SLC24A2: variants seen among roughly 807,000 people sequenced by gnomAD.
SLC24A2 encodes solute carrier family 24 member 2, also known as sodium/potassium/calcium exchanger 2.
Under a neutral mutation model 62.0 loss-of-function variants are expected in SLC24A2, and 36 were observed. The observed-to-expected ratio is 0.58, with a 90% CI of 0.44 to 0.77. The LOEUF (loss-of-function observed/expected upper bound fraction) is 0.77, where lower values mean the gene tolerates loss of function less well. SLC24A2 is among the 30% of genes least tolerant of loss of function. The pLI is 0.00. For missense variants in SLC24A2, 846 were observed against 817.9 expected, an observed-to-expected ratio of 1.03 and a Z score of -0.42; for synonymous variants, 358 against 294.0, an observed-to-expected ratio of 1.22 and a Z score of -2.23.
the SLC24A2 span, among the ~76,000 whole-genome samples, chr9:20,103,093 T>G: frequency 6.6e-6 from 1 of 152,216 alleles, no homozygotes; most frequent in African/African-American, 2.4e-5. Context: ...TCTCACTGAC[T>G]GCTAGCAAAG....
chr9:19,535,027 C>G (rs866058949), intron 8 of SLC24A2, among the ~76,000 whole-genome samples: 2 of 152,160 alleles, frequency 1.3e-5, no homozygotes, highest in African/African-American at 4.8e-5. Flanking sequence ...CCTGTTGTTT[C>G]CTGACTTTTT....
intron 8 of SLC24A2, among the ~76,000 whole-genome samples, chr9:19,535,120 C>CT (rs542739014): frequency 1.3e-5 from 2 of 151,912 alleles, no homozygotes; most frequent in African/African-American, 4.8e-5. Flanking sequence ...TGATGATGAG[C>CT]TTTTTTTTCA....
intron 8 of SLC24A2, among the ~76,000 whole-genome samples, chr9:19,549,080 G>A (rs894247293): frequency 6.6e-6 from 1 of 152,182 alleles, no homozygotes; most frequent in African/African-American, 2.4e-5. Flanking sequence ...TCTATACTCA[G>A]GTTGTAATTT....
chr9:19,578,990 A>G (rs1332833929), intron 5 of SLC24A2, among the ~76,000 whole-genome samples: 1 of 152,228 alleles, frequency 6.6e-6, no homozygotes, highest in Non-Finnish European at 1.5e-5. Context: ...TTCATGGAGA[A>G]AAGGAGGTTG....
At chr9:20,045,026 T>G in the SLC24A2 span, among the ~76,000 whole-genome samples, 1 of 152,208 alleles carries the variant, frequency 6.6e-6, no homozygotes, top group East Asian at 1.9e-4. Context: ...TCTAGCACAG[T>G]GTCTGGTATA....
chr9:19,765,184 G>A (rs1460583710), intron 2 of SLC24A2, among the ~76,000 whole-genome samples: 1 of 151,804 alleles, frequency 6.6e-6, no homozygotes, highest in Non-Finnish European at 1.5e-5. Flanking sequence ...TTGAGCCTAT[G>A]TATGTATTTG....
chr9:19,988,776 A>G, the SLC24A2 span, among the ~76,000 whole-genome samples: 3 of 152,240 alleles, frequency 2.0e-5, no homozygotes, highest in Admixed American at 6.5e-5. Flanking sequence ...GCTCTGAAAC[A>G]AAACCAAGAT....
intron 2 of SLC24A2, among the ~76,000 whole-genome samples, chr9:19,633,736 A>ATCTCTTCAG (rs1818235047): frequency 6.6e-6 from 1 of 152,110 alleles, no homozygotes; most frequent in African/African-American, 2.4e-5. Context: ...CCATTTGTGT[A>ATCTCTTCAG]TCTCTTCAGT....
the SLC24A2 span, among the ~76,000 whole-genome samples, chr9:20,050,329 T>C: frequency 6.6e-6 from 1 of 150,544 alleles, no homozygotes; most frequent in Admixed American, 6.6e-5. Context: ...AGCATGAGAA[T>C]CGCTTGAACC....
the SLC24A2 span, among the ~76,000 whole-genome samples, chr9:20,021,873 C>G: frequency 6.6e-6 from 1 of 152,152 alleles, no homozygotes; most frequent in Non-Finnish European, 1.5e-5. Context: ...GACAGAGCAG[C>G]CCATGCCCAG....
the SLC24A2 span, among the ~76,000 whole-genome samples, chr9:19,881,387 T>A: frequency 6.6e-6 from 1 of 152,168 alleles, no homozygotes; most frequent in Non-Finnish European, 1.5e-5. Context: ...TTAAATAAGA[T>A]GAAGCCTGAG....
At chr9:19,585,991 G>A (rs923424313) in intron 5 of SLC24A2, among the ~76,000 whole-genome samples, 1 of 152,178 alleles carries the variant, frequency 6.6e-6, no homozygotes, top group African/African-American at 2.4e-5. Flanking sequence ...TGGTCTCCCA[G>A]TTTTCAATTG....
the SLC24A2 span, among the ~76,000 whole-genome samples, chr9:19,893,114 T>G: frequency 6.6e-6 from 1 of 152,222 alleles, no homozygotes; most frequent in East Asian, 1.9e-4. Flanking sequence ...TGGTCCAGCA[T>G]GTAAGAAAGT....
the SLC24A2 span, among the ~76,000 whole-genome samples, chr9:20,018,199 G>C: frequency 6.6e-6 from 1 of 152,106 alleles, no homozygotes; most frequent in Admixed American, 6.5e-5. Context: ...TGCCGGTCTC[G>C]GCCTCCTAAA....
the SLC24A2 span, among the ~76,000 whole-genome samples, chr9:20,263,534 A>G: frequency 6.6e-6 from 1 of 152,174 alleles, no homozygotes; most frequent in East Asian, 1.9e-4. Flanking sequence ...ACAGGCAGGA[A>G]CCACTGCATC....
chr9:19,771,626 T>C (rs1001312667), intron 2 of SLC24A2, among the ~76,000 whole-genome samples: 5 of 152,172 alleles, frequency 3.3e-5, no homozygotes, highest in African/African-American at 4.8e-5. Context: ...TGACACAAGC[T>C]AGAAACGAGA....
the SLC24A2 span, among the ~76,000 whole-genome samples, chr9:19,946,552 C>A: frequency 6.6e-6 from 1 of 152,286 alleles, no homozygotes; most frequent in South Asian, 2.1e-4. Flanking sequence ...TTGCCTTAAC[C>A]GTAAATCAGC....
At chr9:19,833,783 G>A in the SLC24A2 span, among the ~76,000 whole-genome samples, 1 of 152,256 alleles carries the variant, frequency 6.6e-6, no homozygotes, top group African/African-American at 2.4e-5. Context: ...GCCTCCTCAA[G>A]TTGGTCCCTG....
At chr9:20,162,185 T>C in the SLC24A2 span, among the ~76,000 whole-genome samples, 21,567 of 151,624 alleles carry the variant, frequency 0.14, 1,972 homozygotes, top group Middle Eastern at 0.34. Context: ...AGCCAGAAGT[T>C]TGAGGCCAGT....
Sources: allele counts gnomAD v4.1 joint callset (sites outside exome capture counted in the v4.1 genomes callset), GRCh38; gene constraint gnomAD v4.1.1; transcripts MANE v1.5; gene names NCBI Gene and HGNC (gene_info 2026-07-23, HGNC 2026-07-21).